Variants in TNNI3K observed in about 807,000 individuals in gnomAD.
TNNI3K encodes TNNI3 interacting kinase.
Under a neutral mutation model 114.5 loss-of-function variants are expected in TNNI3K, and 140 were observed. The observed-to-expected ratio is 1.22, with a 90% CI of 1.07 to 1.41. The LOEUF is 1.41. Among genes scored for constraint, TNNI3K ranks in the 40% most tolerant of loss-of-function variants. The pLI, the probability that TNNI3K is intolerant of heterozygous loss-of-function variation, is 0.00. For missense variants in TNNI3K, 1,125 were observed against 1,007.6 expected (o/e 1.12, Z -1.58); for synonymous variants, 347 against 347.5 (o/e 1.00, Z 0.02).
Position 74,235,756 on chromosome 1 carries a change from G to A in TNNI3K, c.40+265G>A, listed in dbSNP as rs372448756. The stretch of plus-strand genomic sequence containing the variant: ...AAAATTTGGAATATTGCTGAATGTA[G>A]GGATTTTAGAATTATATCTTAAGTA... On this transcript the variant is annotated intron_variant, in intron 1 of 24. Transcript: ENST00000326637. 2.0e-5 allele frequency among the ~76,000 whole-genome samples: 3 copies of A among 150,884 alleles called. No individual in the cohort carries two copies. In the East Asian group the frequency reaches 5.8e-4, roughly 29 times the overall value.
rs138685516 is a variant in TNNI3K, at chr1:74,463,448, G to A, written c.2019G>A (p.Ala673=). The change falls in exon 21 of 25, where the codon GCG becomes GCA. Residue 673 remains alanine, a synonymous_variant. Transcript: ENST00000326637. ...IPFAHLKPAA[A]AADMAYHHIR... ...TGACCATTTGGTTTGCAGCGGCTGC[G>A]GCAGCAGACATGGCTTACCACCACA... 79 of 1,614,110 alleles carry A rather than the reference G, an allele frequency of 4.9e-5. No individual in the cohort carries two copies. The highest frequency in any genetic ancestry group is 1.2e-4 in the Admixed American group (7 of 60,022).
At chr1:74,378,346 TA>T (rs1274189027) in intron 17 of TNNI3K, among the ~76,000 whole-genome samples, 6 of 151,642 alleles carry the variant, frequency 4.0e-5, no homozygotes, top group Non-Finnish European at 7.4e-5. Context: ...GCTGTAACGA[TA>T]GAGTCCATAA....
intron 23 of TNNI3K, among the ~76,000 whole-genome samples, chr1:74,509,880 A>G (rs1046332322): frequency 1.4e-5 from 2 of 147,456 alleles, no homozygotes; most frequent in African/African-American, 2.5e-5. Context: ...CAGCTCCCCA[A>G]GTAGCTGGAA....
intron 2 of TNNI3K, among the ~76,000 whole-genome samples, chr1:74,236,790 A>G (rs1653883443): frequency 6.6e-6 from 1 of 151,830 alleles, no homozygotes; most frequent in Non-Finnish European, 1.5e-5. Context: ...ACAACCTTGG[A>G]AGACACAAAA....
chr1:74,439,676 TA>T, intron 20 of TNNI3K, 54 bp downstream of exon 20: 1 of 1,592,126 alleles, frequency 6.3e-7, no homozygotes, highest in Non-Finnish European at 8.6e-7. Flanking sequence ...ACTGGATTTT[TA>T]TAACTTCAAG....
At chr1:74,489,835 G>A (rs928556474) in intron 22 of TNNI3K, among the ~76,000 whole-genome samples, 3 of 152,014 alleles carry the variant, frequency 2.0e-5, no homozygotes, top group African/African-American at 7.2e-5. Context: ...CAAAATAATC[G>A]AGGGAGCTAA....
At chr1:74,505,529 A>T (rs570443818) in intron 23 of TNNI3K, among the ~76,000 whole-genome samples, 53 of 152,316 alleles carry the variant, frequency 3.5e-4, no homozygotes, top group African/African-American at 9.4e-4. Context: ...TGAACAGTTT[A>T]ACAGGTTTAA....
chr1:74,335,898 T>C, intron 6 of TNNI3K, 113 bp from the exon 7 acceptor site: 1 of 1,166,864 alleles, frequency 8.6e-7, no homozygotes, highest in Middle Eastern at 2.7e-4. Flanking sequence ...TCTTGCTAGG[T>C]GATATAACAA....
At chr1:74,291,259 A>T (rs1295572774) in intron 5 of TNNI3K, among the ~76,000 whole-genome samples, 1 of 151,462 alleles carries the variant, frequency 6.6e-6, no homozygotes, top group Non-Finnish European at 1.5e-5. Context: ...ATCATTAATT[A>T]AATATTTTTA....
intron 16 of TNNI3K, chr1:74,369,907 T>C (rs1335599012): frequency 3.8e-6 from 1 of 263,188 alleles, no homozygotes; most frequent in Non-Finnish European, 7.0e-6. Context: ...TAAAATAAAC[T>C]TTTAAAAAAG....
At chr1:74,465,542 C>G (rs550265512) in intron 21 of TNNI3K, among the ~76,000 whole-genome samples, 28 of 152,332 alleles carry the variant, frequency 1.8e-4, no homozygotes, top group African/African-American at 5.3e-4. Context: ...GAGTCCCCCC[C>G]CAACCGTGGG....
In TNNI3K at chr1:74,242,867, C is replaced by T. The variant is rs538792286; in HGVS notation, c.150-6592C>T. ...TCTCTCTCTGCCTCTCTCTCTCTAT[C>T]TCTCCCTATTGTTCTCCCTCTCCTT... On this transcript the variant is annotated intron_variant, in intron 2 of 24. Coordinates refer to ENST00000326637, the MANE Select transcript of TNNI3K (RefSeq NM_015978.3). Among the ~76,000 whole-genome samples the T allele has an allele frequency of 2.0e-5, 3 of 152,070 alleles. No individual in the cohort carries two copies. The South Asian group carries it at 6.2e-4, about 32-fold the overall frequency.
At chr1:74,520,264 C>T (rs1646411916) in intron 23 of TNNI3K, among the ~76,000 whole-genome samples, 2 of 152,090 alleles carry the variant, frequency 1.3e-5, no homozygotes, top group African/African-American at 2.4e-5. Context: ...ATTGACTCAA[C>T]TGGAATCTTG....
intron 5 of TNNI3K, among the ~76,000 whole-genome samples, chr1:74,295,566 TC>T (rs1657929477): frequency 6.6e-6 from 1 of 152,188 alleles, no homozygotes; most frequent in East Asian, 1.9e-4. Flanking sequence ...TGCTATATTT[TC>T]TTGATTAAAT....
intron 23 of TNNI3K, among the ~76,000 whole-genome samples, chr1:74,507,444 G>A (rs1433309732): frequency 2.6e-5 from 4 of 152,008 alleles, no homozygotes; most frequent in Non-Finnish European, 2.9e-5. Context: ...ACACACATGC[G>A]CACGCACTTA....
At chr1:74,410,710 T>A (rs778556704) in intron 17 of TNNI3K, among the ~76,000 whole-genome samples, 1 of 152,178 alleles carries the variant, frequency 6.6e-6, no homozygotes, top group Non-Finnish European at 1.5e-5. Context: ...GATACACTAA[T>A]GTAATAGCCA....
At chr1:74,470,158 C>A in intron 21 of TNNI3K, 1 of 400,662 alleles carries the variant, frequency 2.5e-6, no homozygotes, top group Non-Finnish European at 4.4e-6. Flanking sequence ...TACTTCACTG[C>A]AAAGTATTCT....
chr1:74,356,385 A>G (rs947370926), intron 11 of TNNI3K, among the ~76,000 whole-genome samples: 1 of 152,196 alleles, frequency 6.6e-6, no homozygotes, highest in African/African-American at 2.4e-5. Flanking sequence ...TTGCATTTCT[A>G]TTAGATATAA....
intron 23 of TNNI3K, among the ~76,000 whole-genome samples, chr1:74,532,989 C>G (rs1462248301): frequency 6.6e-6 from 1 of 152,162 alleles, no homozygotes. Context: ...CATTACCATT[C>G]AGGACATAGG....
Sources: allele counts gnomAD v4.1 joint callset (sites outside exome capture counted in the v4.1 genomes callset), GRCh38; gene constraint gnomAD v4.1.1; transcripts MANE v1.5; gene names NCBI Gene and HGNC (gene_info 2026-07-23, HGNC 2026-07-21).